Variants in CNTNAP2 observed in about 807,000 individuals in gnomAD.
CNTNAP2 encodes the protein contactin associated protein 2.
CNTNAP2 carries 98 observed loss-of-function variants against 155.2 expected under a neutral mutation model. The observed-to-expected ratio is 0.63, with a 90% CI of 0.54 to 0.75. The LOEUF (loss-of-function observed/expected upper bound fraction) is 0.75. CNTNAP2 is among the 30% of genes least tolerant of loss of function. The probability of loss-of-function intolerance (pLI) is 0.00; values close to 1 mark genes in which losing one functional copy is unlikely to be tolerated. For missense variants in CNTNAP2, 1,727 were observed against 1,688.1 expected (o/e 1.02, Z -0.40); for synonymous variants, 651 against 631.2 (o/e 1.03, Z -0.47).
At chr7:147,459,001 T>G (rs1797969458) in intron 10 of CNTNAP2, among the ~76,000 whole-genome samples, 1 of 152,090 alleles carries the variant, frequency 6.6e-6, no homozygotes, top group Admixed American at 6.5e-5. Flanking sequence ...TGCCACTATA[T>G]TATGGTTTAT....
intron 1 of CNTNAP2, among the ~76,000 whole-genome samples, chr7:146,250,604 T>A (rs749422606): frequency 1.3e-5 from 2 of 152,164 alleles, no homozygotes; most frequent in Non-Finnish European, 2.9e-5. Flanking sequence ...GGCCATGGTG[T>A]CTACTGATGG....
intron 1 of CNTNAP2, among the ~76,000 whole-genome samples, chr7:146,364,530 G>A (rs1305253149): frequency 1.3e-5 from 2 of 152,202 alleles, no homozygotes; most frequent in African/African-American, 4.8e-5. Context: ...CACTGAAAAT[G>A]TAGTGGTAAT....
Position 146,426,185 on chromosome 7 carries a change from C to CAAAAAAAAAAAAAAA in CNTNAP2, c.97+309223_97+309237dup, listed in dbSNP as rs57484419. 3.6e-3 allele frequency among the ~76,000 whole-genome samples: 196 copies of CAAAAAAAAAAAAAAA among 54,620 alleles called. 8 individuals carry two copies. The highest frequency in any genetic ancestry group is 0.014 in the African/African-American group (189 of 13,454). 35.8% of individuals were successfully genotyped at this position (54,620 alleles called of 152,430 possible). On this transcript the variant is annotated intron_variant, in intron 1 of 23. Transcript: ENST00000361727. ...TGGGCTACAGAGTGAGACTTCGCCTCAAAAAAAAAAAAAAAAAAAAAAAAA... is the reference window on the plus strand; with the variant it reads ...TGGGCTACAGAGTGAGACTTCGCCTCAAAAAAAAAAAAAAAAAAAAAAAAAAAAAAAAAAAAAAAA...
Position 147,522,771 on chromosome 7 carries a change from AAAAAAAAC to A in CNTNAP2, c.1777+36746_1777+36753del, listed in dbSNP as rs1202008931. Reference sequence around the variant, plus strand: ...ACTTCAAAATTTTCTGGCCCAGCAAAAAAAAAACAAAAAAACAAAAAAAAAAAAACCTA... The same window carrying A: ...ACTTCAAAATTTTCTGGCCCAGCAAAAAAAAAACAAAAAAAAAAAAACCTA... On this transcript the variant is annotated intron_variant, in intron 11 of 23. Transcript: ENST00000361727. 4.0e-5 allele frequency among the ~76,000 whole-genome samples: 6 copies of A among 150,852 alleles called. No homozygotes were observed. In the East Asian group the frequency reaches 1.2e-3, roughly 29 times the overall value.
intron 13 of CNTNAP2, among the ~76,000 whole-genome samples, chr7:147,840,215 T>A (rs1223575217): frequency 1.3e-5 from 2 of 152,116 alleles, no homozygotes; most frequent in Admixed American, 6.6e-5. Flanking sequence ...GGGTACAATG[T>A]ACACTATTTG....
intron 1 of CNTNAP2, among the ~76,000 whole-genome samples, chr7:146,667,834 A>G (rs189775605): frequency 4.3e-4 from 65 of 151,954 alleles, no homozygotes; most frequent in African/African-American, 1.5e-3. Flanking sequence ...TTATTCTGCA[A>G]TTTTACTGAA....
At chr7:146,835,638 A>G (rs2129199606) in intron 2 of CNTNAP2, among the ~76,000 whole-genome samples, 1 of 152,316 alleles carries the variant, frequency 6.6e-6, no homozygotes, top group African/African-American at 2.4e-5. Context: ...CAAAGCAGGT[A>G]TAAGTAACTC....
intron 14 of CNTNAP2, among the ~76,000 whole-genome samples, chr7:147,965,159 T>A (rs1429521856): frequency 6.6e-6 from 1 of 152,140 alleles, no homozygotes; most frequent in Non-Finnish European, 1.5e-5. Flanking sequence ...CCAGCAATGG[T>A]CAGTCAGAAT....
At chr7:146,661,323 G>T (rs1029116439) in intron 1 of CNTNAP2, among the ~76,000 whole-genome samples, 2 of 151,520 alleles carry the variant, frequency 1.3e-5, no homozygotes, top group East Asian at 3.9e-4. Flanking sequence ...ATACTTTAAT[G>T]CATTGAAATT....
chr7:146,367,345 A>G (rs138083953), intron 1 of CNTNAP2, among the ~76,000 whole-genome samples: 122 of 152,322 alleles, frequency 8.0e-4, no homozygotes, highest in Middle Eastern at 3.4e-3. Context: ...TATACATTTC[A>G]TTCTATGCCT....
At chr7:147,983,535 C>T (rs1801568991) in intron 15 of CNTNAP2, among the ~76,000 whole-genome samples, 1 of 152,124 alleles carries the variant, frequency 6.6e-6, no homozygotes, top group Non-Finnish European at 1.5e-5. Flanking sequence ...GCCCAAGGTA[C>T]AGGCTCAAGA....
At chr7:146,705,153 T>G (rs1451758016) in intron 1 of CNTNAP2, among the ~76,000 whole-genome samples, 2 of 152,124 alleles carry the variant, frequency 1.3e-5, no homozygotes, top group Non-Finnish European at 2.9e-5. Context: ...GGCTAAAAAG[T>G]GTTTAGGATG....
At chr7:146,633,290 A>G (rs915546655) in intron 1 of CNTNAP2, among the ~76,000 whole-genome samples, 4 of 152,204 alleles carry the variant, frequency 2.6e-5, no homozygotes, top group African/African-American at 9.6e-5. Flanking sequence ...GGCTTGCCCC[A>G]CCATGTATTA....
intron 11 of CNTNAP2, among the ~76,000 whole-genome samples, chr7:147,486,764 C>G (rs1798517592): frequency 6.6e-6 from 1 of 151,862 alleles, no homozygotes; most frequent in Non-Finnish European, 1.5e-5. Flanking sequence ...ATTAATTTTC[C>G]AATAATGCAT....
At chr7:146,132,272 T>C (rs192369077) in intron 1 of CNTNAP2, among the ~76,000 whole-genome samples, 6 of 152,256 alleles carry the variant, frequency 3.9e-5, no homozygotes, top group African/African-American at 7.2e-5. Context: ...AGAGTTGGTA[T>C]TGGGGAGGTT....
At chr7:147,430,269 A>G (rs977762815) in intron 10 of CNTNAP2, among the ~76,000 whole-genome samples, 12 of 152,208 alleles carry the variant, frequency 7.9e-5, no homozygotes, top group Non-Finnish European at 1.5e-4. Flanking sequence ...TCTGCCTTCT[A>G]TGAGGTCACA....
intron 1 of CNTNAP2, among the ~76,000 whole-genome samples, chr7:146,230,363 TGAAGA>T (rs1213316512): frequency 6.6e-6 from 1 of 152,228 alleles, no homozygotes; most frequent in Non-Finnish European, 1.5e-5. Context: ...CTTCCTTCAC[TGAAGA>T]GAAACCTGAT....
At chr7:146,821,232 G>A (rs1282265326) in intron 2 of CNTNAP2, among the ~76,000 whole-genome samples, 25 of 152,182 alleles carry the variant, frequency 1.6e-4, no homozygotes, top group African/African-American at 3.9e-4. Flanking sequence ...TATTTTGCTC[G>A]TTAGTTGATG....
chr7:146,542,597 C>T (rs1455389081), intron 1 of CNTNAP2, among the ~76,000 whole-genome samples: 3 of 140,592 alleles, frequency 2.1e-5, no homozygotes, highest in Non-Finnish European at 4.4e-5. Context: ...CCTTTAGAGA[C>T]CCCCCCTTAC....
Sources: allele counts gnomAD v4.1 joint callset (sites outside exome capture counted in the v4.1 genomes callset), GRCh38; gene constraint gnomAD v4.1.1; transcripts MANE v1.5; gene names NCBI Gene and HGNC (gene_info 2026-07-23, HGNC 2026-07-21).